Variants in IPO9 observed in about 807,000 individuals in gnomAD.
IPO9 encodes importin 9, also known as importin-9.
Under a neutral mutation model 128.6 loss-of-function variants are expected in IPO9, and 28 were observed. The ratio of observed to expected loss-of-function variants is 0.22; its 90% CI spans 0.16 to 0.30. The LOEUF (loss-of-function observed/expected upper bound fraction) is 0.30. IPO9 is among the 10% of genes least tolerant of loss of function. The probability of loss-of-function intolerance (pLI) is 1.00; values close to 1 mark genes in which losing one functional copy is unlikely to be tolerated. For missense variants in IPO9, 935 were observed against 1,293.9 expected, an observed-to-expected ratio of 0.72 and a Z score of 4.26; for synonymous variants, 455 against 475.8, an observed-to-expected ratio of 0.96 and a Z score of 0.57.
chr1:201,830,095 T>C (rs1679805199), intron 1 of IPO9, among the ~76,000 whole-genome samples: 1 of 152,214 alleles, frequency 6.6e-6, no homozygotes, highest in African/African-American at 2.4e-5. Flanking sequence ...AAATAAACCA[T>C]TGGTTCGAGA....
Position 201,875,196 on chromosome 1 carries a change from C to T in IPO9, c.2983C>T (p.Leu995=). The T allele has an allele frequency of 6.2e-7, 1 of 1,614,152 alleles. No homozygotes were observed. Among genetic ancestry groups the T allele is most frequent in the Non-Finnish European group, 8.5e-7 (1 of 1,179,966 alleles). ...TGATGAGGAAGATGACCCTGATGCC[C>T]TGAAGGATCCTCTCTATCAGATTGA... ...EDDEEDDPDA[L]KDPLYQIDLQ... is the part of the protein sequence containing the mutation. Residue 995 remains leucine (L), a synonymous_variant, in exon 23 of 24, where the codon CTG becomes TTG. Coordinates refer to ENST00000361565, the MANE Select transcript of IPO9 (RefSeq NM_018085.5).
intron 14 of IPO9, among the ~76,000 whole-genome samples, chr1:201,865,309 A>G (rs539233649): frequency 1.6e-4 from 24 of 151,630 alleles, no homozygotes; most frequent in Non-Finnish European, 3.1e-4. Context: ...CCTGGGTTCA[A>G]GCAATTCTCC....
intron 15 of IPO9, among the ~76,000 whole-genome samples, chr1:201,867,477 A>G (rs945571488): frequency 6.6e-6 from 1 of 152,148 alleles, no homozygotes; most frequent in Non-Finnish European, 1.5e-5. Context: ...CTTAAAAGGA[A>G]TATCTGAAAC....
chr1:201,873,819 G>A (rs1680706097), intron 20 of IPO9, among the ~76,000 whole-genome samples: 1 of 152,202 alleles, frequency 6.6e-6, no homozygotes, highest in African/African-American at 2.4e-5. Flanking sequence ...AGAAGCGTGG[G>A]CACAGATAGT....
At chr1:201,852,895 C>A in intron 5 of IPO9, 116 bp from the exon 6 acceptor site, 1 of 763,982 alleles carries the variant, frequency 1.3e-6, no homozygotes, top group Non-Finnish European at 2.3e-6. Flanking sequence ...TTCTCGAGGG[C>A]ATCCAATCTC....
chr1:201,856,148 T>TTC (rs71141420), intron 10 of IPO9, among the ~76,000 whole-genome samples: 7 of 148,758 alleles, frequency 4.7e-5, no homozygotes, highest in African/African-American at 5.0e-5. Context: ...TTTTTTTTTT[T>TTC]CCCAGCAAAG....
chr1:201,862,929 A>G (rs1680476135), intron 13 of IPO9, among the ~76,000 whole-genome samples: 1 of 152,222 alleles, frequency 6.6e-6, no homozygotes, highest in Non-Finnish European at 1.5e-5. Context: ...TGCTCAGAAG[A>G]GACAAGGGAA....
At chr1:201,856,928 C>T (rs1458337003) in intron 10 of IPO9, among the ~76,000 whole-genome samples, 168 bp from the exon 11 acceptor site, 1 of 152,140 alleles carries the variant, frequency 6.6e-6, no homozygotes, top group African/African-American at 2.4e-5. Flanking sequence ...CTCAAGCAGT[C>T]CTCCCACCTT....
intron 1 of IPO9, chr1:201,834,853 A>G (rs1247278508): frequency 1.3e-5 from 2 of 152,138 alleles, no homozygotes; most frequent in Non-Finnish European, 2.9e-5. Flanking sequence ...CTGCCGAGAT[A>G]CCTGTATTGA....
Position 201,883,116 on chromosome 1 carries a change from C to G in IPO9, c.*7062C>G, listed in dbSNP as rs1047615694. 6.6e-6 allele frequency: 1 copy of G among 151,156 alleles called. No homozygotes were observed. Among genetic ancestry groups the G allele is most frequent in the African/African-American group, 2.4e-5 (1 of 41,034 alleles). 9.4% of individuals were successfully genotyped at this position (151,156 alleles called of 1,614,324 possible). On this transcript the variant is annotated 3_prime_UTR_variant, in exon 24 of 24. Coordinates refer to ENST00000361565, the MANE Select transcript of IPO9 (RefSeq NM_018085.5). ...GCCTTCCACCTACTAAGCAGTTTTT[C>G]TGTGGTTAGCTGTGTGACATAAACT...
Position 201,872,908 on chromosome 1 carries a change from A to G in IPO9, c.2657A>G (p.Glu886Gly). The G allele has an allele frequency of 6.2e-7, 1 of 1,613,932 alleles. No homozygotes were observed. Among genetic ancestry groups the G allele is most frequent in the Non-Finnish European group, 8.5e-7 (1 of 1,179,954 alleles). Residue 886 changes from glutamate (E) to glycine (G), a missense_variant, in exon 20 of 24, where the codon GAG becomes GGG. Glu to Gly is a moderately conservative substitution (Grantham distance 98). Coordinates refer to ENST00000361565, the MANE Select transcript of IPO9 (RefSeq NM_018085.5). ...KRLQDIRVKG[E>G]EIYSMDEGIR... Reference sequence around the variant, plus strand: ...CTACAGGATATCCGTGTGAAGGGAGAGGAGATCTACAGCATGGATGAGGGC... The same window carrying G: ...CTACAGGATATCCGTGTGAAGGGAGGGGAGATCTACAGCATGGATGAGGGC...
intron 6 of IPO9, among the ~76,000 whole-genome samples, chr1:201,853,901 G>C (rs1476063309): frequency 6.6e-6 from 1 of 152,194 alleles, no homozygotes; most frequent in African/African-American, 2.4e-5. Flanking sequence ...ATCATGCCCA[G>C]CTAATTTTTG....
chr1:201,862,806 CAA>C (rs545253856), intron 13 of IPO9, among the ~76,000 whole-genome samples: 40 of 69,862 alleles, frequency 5.7e-4, no homozygotes, highest in Admixed American at 1.1e-3. Flanking sequence ...AACTTCATCT[CAA>C]AAAAAAAAAA....
intron 13 of IPO9, among the ~76,000 whole-genome samples, chr1:201,860,540 A>C (rs911959749): frequency 6.6e-6 from 1 of 152,186 alleles, no homozygotes. Context: ...TTTCTTATAG[A>C]GTTTACCCTA....
At chr1:201,863,909 A>G (rs1175620508) in intron 14 of IPO9, among the ~76,000 whole-genome samples, 1 of 152,224 alleles carries the variant, frequency 6.6e-6, no homozygotes, top group African/African-American at 2.4e-5. Flanking sequence ...AATGTTTTGC[A>G]CAGGGTTGCA....
intron 1 of IPO9, among the ~76,000 whole-genome samples, chr1:201,837,505 T>C (rs564924383): frequency 6.6e-6 from 1 of 152,290 alleles, no homozygotes; most frequent in East Asian, 1.9e-4. Context: ...GCTGTGAGCC[T>C]CAGTATTACC....
chr1:201,857,311 CTT>C (rs1379787783), intron 11 of IPO9, 117 bp downstream of exon 11: 4 of 674,540 alleles, frequency 5.9e-6, no homozygotes, highest in Non-Finnish European at 2.6e-6. Flanking sequence ...TTATCTCAGA[CTT>C]TATTGGGGAT....
At chr1:201,844,479 G>A (rs547627356) in intron 1 of IPO9, among the ~76,000 whole-genome samples, 6 of 152,228 alleles carry the variant, frequency 3.9e-5, no homozygotes, top group African/African-American at 1.4e-4. Context: ...GATACAATGT[G>A]GGATCCTGAA....
At chr1:201,854,142 G>A (rs1162109807) in intron 6 of IPO9, among the ~76,000 whole-genome samples, 1 of 152,176 alleles carries the variant, frequency 6.6e-6, no homozygotes, top group African/African-American at 2.4e-5. Flanking sequence ...CAAAGTGCTA[G>A]GATTATAGGT....
Sources: gnomAD v4.1 joint callset for allele counts (sites outside exome capture counted in the v4.1 genomes callset) on GRCh38, gnomAD v4.1.1 for gene constraint, MANE v1.5 for transcripts, NCBI Gene and HGNC (gene_info 2026-07-23, HGNC 2026-07-21) for gene names.